GOLGA3: variants seen among roughly 807,000 people sequenced by gnomAD.
GOLGA3 encodes the protein golgin A3, also known as golgin subfamily A member 3.
Under a neutral mutation model 169.4 loss-of-function variants are expected in GOLGA3, and 75 were observed. The observed-to-expected ratio is 0.44, with a 90% CI of 0.37 to 0.54. The LOEUF is 0.54. Among genes scored for constraint, GOLGA3 ranks in the 20% least tolerant of loss-of-function variants. The pLI is 0.00. For synonymous variants in GOLGA3, 824 were observed against 822.4 expected (o/e 1.00, Z -0.03); for missense variants, 1,899 against 1,930.0 (o/e 0.98, Z 0.30).
intron 8 of GOLGA3, among the ~76,000 whole-genome samples, chr12:132,799,520 G>GTCCCA (rs1365503740): frequency 6.6e-6 from 1 of 152,152 alleles, no homozygotes; most frequent in Non-Finnish European, 1.5e-5. Flanking sequence ...GTTCACCTAT[G>GTCCCA]TCCCAGCTAC....
intron 11 of GOLGA3, among the ~76,000 whole-genome samples, chr12:132,794,265 C>T (rs1159658185): frequency 2.0e-5 from 3 of 148,820 alleles, no homozygotes; most frequent in Admixed American, 6.8e-5. Flanking sequence ...GAGGCTGAGG[C>T]GGGCAGTTCA....
chr12:132,792,198 G>T (rs1948563318), intron 11 of GOLGA3, among the ~76,000 whole-genome samples: 1 of 152,202 alleles, frequency 6.6e-6, no homozygotes, highest in African/African-American at 2.4e-5. Context: ...CTAAGGCCTG[G>T]GCTCTCCCTC....
intron 2 of GOLGA3, among the ~76,000 whole-genome samples, chr12:132,819,420 T>C (rs1484385707): frequency 6.6e-6 from 1 of 152,072 alleles, no homozygotes; most frequent in East Asian, 1.9e-4. Flanking sequence ...TCCCAGCTAC[T>C]TGGGAGGCTG....
chr12:132,799,393 G>A (rs1949023275), intron 8 of GOLGA3, among the ~76,000 whole-genome samples: 1 of 152,232 alleles, frequency 6.6e-6, no homozygotes, highest in South Asian at 2.1e-4. Flanking sequence ...GGCTCATCCT[G>A]TAATCCCAGC....
At position 132,773,254 on chromosome 12, in the gene GOLGA3, C is replaced by T. The variant is rs144951708; in HGVS notation, c.4348G>A (p.Ala1450Thr). The T allele has an allele frequency of 4.5e-5, 68 of 1,499,308 alleles. No individual in the cohort carries two copies. The highest frequency in any genetic ancestry group is 5.6e-5 in the Non-Finnish European group (62 of 1,115,960). 92.9% of individuals were successfully genotyped at this position (1,499,308 alleles called of 1,614,324 possible). The change falls in exon 24 of 24, where the codon GCC (alanine) becomes ACC (threonine). Residue 1450 changes from alanine to threonine, a missense_variant. Transcript: ENST00000450791. ...DSLQRQMEEH[A>T]LTVHESLSSW... ...GACAGAGACTCGTGCACCGTCAGGG[C>T]GTGCTCCTCCATCTGGCGCTGCAGG...
intron 17 of GOLGA3, among the ~76,000 whole-genome samples, chr12:132,781,152 C>CA (rs2045582618): frequency 6.6e-6 from 1 of 152,196 alleles, no homozygotes; most frequent in Admixed American, 6.5e-5. Context: ...GAGGCCAGGG[C>CA]AGGAGGATCG....
At chr12:132,783,969 T>G (rs2045755896) in intron 16 of GOLGA3, 195 bp downstream of exon 16, 1 of 1,468,576 alleles carries the variant, frequency 6.8e-7, no homozygotes, top group Non-Finnish European at 9.0e-7. Flanking sequence ...TGTACAGTGA[T>G]CCTCCCCAGA....
chr12:132,796,187 G>C lies in GOLGA3; in HGVS notation c.2134C>G (p.Leu712Val). 6.2e-7 allele frequency: 1 copy of C among 1,600,038 alleles called. No homozygotes were observed. Among genetic ancestry groups the C allele is most frequent in the South Asian group, 1.1e-5 (1 of 90,882 alleles). ...AGGTGCTCCTGCTGCAAAGCCTCAA[G>C]CTGCTGGTCTCGCTGGAGTAAAGTC... is the stretch of plus-strand genomic sequence containing the variant. ...KLTLLQRDQQ[L>V]EALQQEHLDL... Residue 712 changes from leucine to valine, a missense_variant, in exon 11 of 24, where the codon CTT becomes GTT. Leu to Val is a conservative substitution (Grantham distance 32). Coordinates refer to ENST00000450791, the MANE Select transcript of GOLGA3 (RefSeq NM_001389683.1).
Position 132,789,014 on chromosome 12 carries a change from G to T in GOLGA3, c.2811+13C>A. The T allele has an allele frequency of 8.0e-7, 1 of 1,248,666 alleles. No individual in the cohort carries two copies. Among genetic ancestry groups the T allele is most frequent in the South Asian group, 1.5e-5 (1 of 68,732 alleles). The allele number at this position is 1,248,666 out of a possible 1,614,324, so 77.3% of individuals were successfully genotyped here. A position where few individuals can be genotyped will look rare whatever the true frequency, so the allele number is the denominator to read the frequency against. ...TCCTCCCCATCAAATGAGTCAACCC[G>T]ACACGGACAGACCTGCAAGTGTGTT... On this transcript the variant is annotated intron_variant, in intron 13 of 23. Transcript: ENST00000450791.
At position 132,770,421 on chromosome 12, in the gene GOLGA3, A is replaced by T. The variant is rs1207399534; in HGVS notation, c.*2684T>A. The T allele has an allele frequency of 1.3e-5, 2 of 152,112 alleles. No individual in the cohort carries two copies. Among genetic ancestry groups the T allele is most frequent in the Admixed American group, 1.3e-4 (2 of 15,272 alleles). 9.4% of individuals were successfully genotyped at this position (152,112 alleles called of 1,614,324 possible). A position where few individuals can be genotyped will look rare whatever the true frequency, so the allele number is the denominator to read the frequency against. On this transcript the variant is annotated 3_prime_UTR_variant, in exon 24 of 24. Coordinates refer to ENST00000450791, the MANE Select transcript of GOLGA3 (RefSeq NM_001389683.1). ...AGAGGGGGCCCTGGCACCGGCGACCACAGAGCGCTGGGGGAGGCATCGCAC... is the reference window on the plus strand; with the variant it reads ...AGAGGGGGCCCTGGCACCGGCGACCTCAGAGCGCTGGGGGAGGCATCGCAC...
chr12:132,773,395 G>A, intron 23 of GOLGA3, 101 bp from the exon 24 acceptor site: 1 of 680,684 alleles, frequency 1.5e-6, no homozygotes, highest in Non-Finnish European at 2.3e-6. Context: ...AGTGGACCGG[G>A]GCGCCTTCGG....
intron 15 of GOLGA3, among the ~76,000 whole-genome samples, chr12:132,784,695 T>C (rs2045798889): frequency 6.6e-6 from 1 of 150,448 alleles, no homozygotes; most frequent in Admixed American, 6.7e-5. Context: ...CACGTGCACA[T>C]GTTCACATCC....
intron 18 of GOLGA3, among the ~76,000 whole-genome samples, chr12:132,779,847 C>G (rs2045467272): frequency 9.4e-6 from 1 of 106,452 alleles, no homozygotes; most frequent in Admixed American, 1.0e-4. Flanking sequence ...ACGGACACCC[C>G]CCCGCGCACA....
intron 4 of GOLGA3, among the ~76,000 whole-genome samples, chr12:132,809,844 C>G (rs1157862851): frequency 6.6e-6 from 1 of 152,196 alleles, no homozygotes; most frequent in Non-Finnish European, 1.5e-5. Flanking sequence ...AGCCCGTGTC[C>G]TCTGTCTCTT....
In GOLGA3 at chr12:132,774,302, C is replaced by T. The variant is rs145054007; in HGVS notation, c.4162G>A (p.Glu1388Lys). 546 of 1,612,256 alleles carry T rather than the reference C, an allele frequency of 3.4e-4. No individual in the cohort carries two copies. Among genetic ancestry groups the T allele is most frequent in the Non-Finnish European group, 3.7e-4 (439 of 1,180,012 alleles). The change falls in exon 23 of 24, where the codon GAG (glutamate) becomes AAG (lysine). Residue 1388 changes from glutamate (E) to lysine (K), a missense_variant. Transcript: ENST00000450791. ...GTGGCAGGGTTGGAAGAGCTGGCCT[C>T]GCCTTTCGGCTCCTTTCTCTGTTTT... ...AAKTRKEPKG[E>K]ASSSNPATPI...
intron 6 of GOLGA3, among the ~76,000 whole-genome samples, chr12:132,806,552 T>C (rs1949413628): frequency 6.6e-6 from 1 of 152,248 alleles, no homozygotes; most frequent in South Asian, 2.1e-4. Context: ...CCAGCCCTGC[T>C]CTGCGGCCTC....
intron 3 of GOLGA3, among the ~76,000 whole-genome samples, chr12:132,814,962 C>T (rs1335614648): frequency 6.6e-6 from 1 of 152,218 alleles, no homozygotes; most frequent in Non-Finnish European, 1.5e-5. Context: ...AGACACCGCC[C>T]GACGGCCTGG....
Position 132,780,803 on chromosome 12 carries a change from C to T in GOLGA3, c.3577G>A (p.Glu1193Lys), listed in dbSNP as rs2045557683. 1.2e-6 allele frequency: 2 copies of T among 1,602,648 alleles called. No homozygotes were observed. The highest frequency in any genetic ancestry group is 2.7e-5 in the African/African-American group (2 of 74,842). Residue 1193 changes from glutamate to lysine, a missense_variant, in exon 18 of 24, where the codon GAG becomes AAG. By Grantham distance (56) the Glu-to-Lys change is moderately conservative. Transcript: ENST00000450791. Reference sequence around the variant, plus strand: ...AGACGGAAGGTGGCACGCACCTGCTCCTTGAGGCTGTTCACCTTCTCCTTC... The same window carrying T: ...AGACGGAAGGTGGCACGCACCTGCTTCTTGAGGCTGTTCACCTTCTCCTTC... ...KEKEKVNSLK[E>K]QVAAAKVEAG...
At chr12:132,774,571 G>A (rs749369458) in intron 22 of GOLGA3, 238 of 556,096 alleles carry the variant, frequency 4.3e-4, no homozygotes, top group Non-Finnish European at 5.7e-4. Flanking sequence ...CTGGGTCTGC[G>A]GCAGGACGGG....
Sources: allele counts gnomAD v4.1 joint callset (sites outside exome capture counted in the v4.1 genomes callset), GRCh38; gene constraint gnomAD v4.1.1; transcripts MANE v1.5; gene names NCBI Gene and HGNC (gene_info 2026-07-23, HGNC 2026-07-21).